Variants in MATR3 observed in about 807,000 individuals in gnomAD.
MATR3 encodes the protein matrin-3.
A neutral mutation model predicts 85.5 loss-of-function variants in MATR3; 4 were observed. That is an observed-to-expected ratio of 0.05 (90% CI 0.02 to 0.11). MATR3 has a LOEUF of 0.11. Among genes scored for constraint, MATR3 ranks in the 10% least tolerant of loss-of-function variants. MATR3 has a pLI of 1.00. For missense variants in MATR3, 685 were observed against 1,016.1 expected (o/e 0.67, Z 4.43); for synonymous variants, 336 against 343.1 (o/e 0.98, Z 0.23).
chr5:139,294,342 A>G (rs879912940), intron 1 of MATR3, among the ~76,000 whole-genome samples: 2 of 152,094 alleles, frequency 1.3e-5, no homozygotes, highest in Non-Finnish European at 2.9e-5. Context: ...ATGTTCCCCC[A>G]AAATGGAGGA....
chr5:139,314,842 T>G (rs553748353), intron 3 of MATR3, 106 bp downstream of exon 3: 3 of 977,688 alleles, frequency 3.1e-6, no homozygotes, highest in East Asian at 5.1e-5. Context: ...AATGTTAATA[T>G]CACATAGTGG....
intron 2 of MATR3, chr5:139,310,337 GTTTAATTC>G (rs1171584935): frequency 6.6e-6 from 1 of 152,112 alleles, no homozygotes; most frequent in Non-Finnish European, 1.5e-5. Context: ...GAGGCCTTTT[GTTTAATTC>G]TGTGGTTTAA....
chr5:139,321,773 A>AT (rs1453619142), intron 9 of MATR3, 125 bp from the exon 10 acceptor site: 1 of 936,378 alleles, frequency 1.1e-6, no homozygotes, highest in African/African-American at 1.7e-5. Context: ...ACACAGTGAG[A>AT]CCCTGTCTCA....
At chr5:139,319,252 A>T (rs1755415764) in intron 8 of MATR3, 82 bp from the exon 9 acceptor site, 1 of 1,438,688 alleles carries the variant, frequency 7.0e-7, no homozygotes, top group African/African-American at 1.4e-5. Context: ...AAAATAAAAC[A>T]ATTGGTAAAG....
Position 139,330,771 on chromosome 5 carries a change from T to C in MATR3, c.*1376T>C. 2.2e-6 allele frequency: 1 copy of C among 454,106 alleles called. No homozygotes were observed. The highest frequency in any genetic ancestry group is 4.4e-6 in the Non-Finnish European group (1 of 226,788). The allele number at this position is 454,106 out of a possible 1,614,324, so 28.1% of individuals were successfully genotyped here. A position where few individuals can be genotyped will look rare whatever the true frequency, so the allele number is the denominator to read the frequency against. ...TTCAAAATAATTACGTAGAGACTCT[T>C]GGTATATTGGATTATCTGTTGTAAA... On this transcript the variant is annotated 3_prime_UTR_variant, in exon 15 of 15. Transcript: ENST00000394805.
chr5:139,322,860 C>A lies in MATR3; in HGVS notation c.2041C>A (p.Leu681Ile). ...CAGTTCAGTGGGAGACGAGACCGAT[C>A]TTGCTAATTTAGGTGATGTGGCTTC... ...SGSSVGDETD[L>I]ANLGDVASDG... The change falls in exon 12 of 15, where the codon CTT becomes ATT. Residue 681 changes from leucine (L) to isoleucine (I), a missense_variant. Around this residue, in one of 9 missense-constraint regions of MATR3, gnomAD observed 215 missense variants for 194.7 expected, o/e 1.10. Transcript: ENST00000394805. 2.5e-6 allele frequency: 4 copies of A among 1,614,140 alleles called. No homozygotes were observed. Among genetic ancestry groups the A allele is most frequent in the Non-Finnish European group, 3.4e-6 (4 of 1,180,018 alleles).
chr5:139,315,334 G>GTGCTCT (rs1755189081), intron 3 of MATR3: 3 of 248,710 alleles, frequency 1.2e-5, no homozygotes, highest in Non-Finnish European at 2.3e-5. Flanking sequence ...CAACTCAACT[G>GTGCTCT]TGCTCTTGGT....
intron 13 of MATR3, 107 bp from the exon 14 acceptor site, chr5:139,326,056 C>T (rs989585519): frequency 2.8e-6 from 3 of 1,068,278 alleles, no homozygotes; most frequent in African/African-American, 3.2e-5. Context: ...CTGTATTGGA[C>T]TTCTCAAAAA....
intron 12 of MATR3, among the ~76,000 whole-genome samples, chr5:139,324,272 A>G (rs1034076882): frequency 2.7e-5 from 4 of 147,534 alleles, no homozygotes; most frequent in Non-Finnish European, 6.0e-5. Flanking sequence ...TTGGGCAGTC[A>G]TTCTTCAGAG....
chr5:139,279,153 G>T (rs1461116198), intron 3 of MATR3: 1 of 454,054 alleles, frequency 2.2e-6, no homozygotes, highest in African/African-American at 2.0e-5. Flanking sequence ...TTGTCATGTA[G>T]GTCCCAATTA....
Position 139,322,772 on chromosome 5 carries a change from T to G in MATR3, c.1953T>G (p.Leu651=), listed in dbSNP as rs770765421. The change falls in exon 12 of 15, where the codon CTT becomes CTG. Residue 651 remains leucine (L), a synonymous_variant. Transcript: ENST00000394805. ...DDQTEQEPNM[L]LESEDELLVD... ...AGACAGAGCAGGAACCTAATATGCT[T>G]CTTGAATCTGAAGATGAGCTACTTG... 6.2e-7 allele frequency: 1 copy of G among 1,614,166 alleles called. No homozygotes were observed.
chr5:139,293,762 C>T lies in MATR3; in HGVS notation c.-221C>T. On this transcript the variant is annotated 5_prime_UTR_variant, in exon 1 of 15. Coordinates refer to ENST00000394805, the MANE Select transcript of MATR3 (RefSeq NM_018834.6). ...TGTGGGAGTCTCCGCGTCCCGCTCG[C>T]TGGGAGAGAGGTACCTCTCCTTTTC... 1 of 387,330 alleles carries T rather than the reference C, an allele frequency of 2.6e-6. No individual in the cohort carries two copies. The allele number at this position is 387,330 out of a possible 1,614,324, so 24.0% of individuals were successfully genotyped here. A position where few individuals can be genotyped will look rare whatever the true frequency, so the allele number is the denominator to read the frequency against.
At chr5:139,309,683 C>CA (rs1421762162) in intron 2 of MATR3, among the ~76,000 whole-genome samples, 4 of 152,046 alleles carry the variant, frequency 2.6e-5, no homozygotes, top group African/African-American at 9.7e-5. Context: ...CAAAAGCCAG[C>CA]AAATTTTAAT....
chr5:139,278,843 A>G (rs1359739513), intron 2 of MATR3: 1 of 517,296 alleles, frequency 1.9e-6, no homozygotes, highest in Admixed American at 1.9e-5. Context: ...CTGTTGGAAG[A>G]GCAAACACTG....
chr5:139,321,724 A>G, intron 9 of MATR3, 174 bp from the exon 10 acceptor site: 1 of 659,472 alleles, frequency 1.5e-6, no homozygotes, highest in Non-Finnish European at 2.6e-6. Context: ...TCAACGCTTC[A>G]GCAAGCCAGG....
rs1441175678 is a variant in MATR3 at position 139,315,776 on chromosome 5, A to G, written c.1016+38A>G. On this transcript the variant is annotated intron_variant, in intron 4 of 14. Coordinates refer to ENST00000394805, the MANE Select transcript of MATR3 (RefSeq NM_018834.6). ...TTTTAAGCTACCATTTGTAAAGGAG[A>G]TCAATGTAAGGAATTCAGGTTTCAC... 3.3e-6 allele frequency: 5 copies of G among 1,496,248 alleles called. No individual in the cohort carries two copies. The African/African-American group carries it at 5.5e-5, about 16-fold the overall frequency. The allele number at this position is 1,496,248 out of a possible 1,614,324, so 92.7% of individuals were successfully genotyped here.
chr5:139,296,406 C>T (rs1360025857), intron 1 of MATR3, among the ~76,000 whole-genome samples: 3 of 151,818 alleles, frequency 2.0e-5, no homozygotes, highest in Admixed American at 2.0e-4. Context: ...AGAGATATAC[C>T]CCAAAATGTT....
upstream of MATR3, among the ~76,000 whole-genome samples, chr5:139,290,280 A>AT (rs1217609554): frequency 6.6e-6 from 1 of 150,654 alleles, no homozygotes; most frequent in Non-Finnish European, 1.5e-5. Context: ...AGTAGCTGGG[A>AT]TTACAGGCGA....
intron 12 of MATR3, among the ~76,000 whole-genome samples, chr5:139,323,619 CG>C (rs905374155): frequency 2.0e-5 from 3 of 152,128 alleles, no homozygotes; most frequent in African/African-American, 7.2e-5. Flanking sequence ...CATAAAATGT[CG>C]GAGTCAGGCG....
Sources: allele counts gnomAD v4.1 joint callset (sites outside exome capture counted in the v4.1 genomes callset), GRCh38; gene constraint gnomAD v4.1.1; regional missense constraint gnomAD v4.1.1; transcripts MANE v1.5; gene names NCBI Gene and HGNC (gene_info 2026-07-23, HGNC 2026-07-21).